The following CFAP74 variants were observed in gnomAD, a reference collection of about 807,000 sequenced individuals.
The protein encoded by CFAP74 is cilia and flagella associated protein 74, also known as cilia- and flagella-associated protein 74.
In CFAP74, 124 loss-of-function variants were observed where a neutral mutation model predicts 188.9. That is an observed-to-expected ratio of 0.66 (90% confidence interval 0.57 to 0.76). CFAP74 has a LOEUF of 0.76. CFAP74 is among the 30% of genes least tolerant of loss of function. CFAP74 has a pLI of 0.00. For missense variants in CFAP74, 2,198 were observed against 2,165.2 expected (o/e 1.02, Z -0.30); for synonymous variants, 956 against 916.7 (o/e 1.04, Z -0.77).
chr1:1,993,991 A>T (rs1657776392), intron 1 of CFAP74, among the ~76,000 whole-genome samples: 1 of 151,252 alleles, frequency 6.6e-6, no homozygotes, highest in African/African-American at 2.4e-5. Flanking sequence ...CAAAAAAAAT[A>T]AAAATAAAAT....
rs1055641681 is a variant in CFAP74 at position 1,980,094 on chromosome 1, G to C, written c.500+5292C>G. Among the ~76,000 whole-genome samples the C allele has an allele frequency of 8.7e-5, 10 of 115,146 alleles. 1 individual carries two copies. The East Asian group carries it at 2.1e-3, about 24-fold the overall frequency. The allele number at this position is 115,146 out of a possible 152,430, so 75.5% of individuals were successfully genotyped here. A position where few individuals can be genotyped will look rare whatever the true frequency, so the allele number is the denominator to read the frequency against. On this transcript the variant is annotated intron_variant, in intron 6 of 38. Transcript: ENST00000682832. ...GCGTGGGGAGGACGGGTGAACGAGA[G>C]TGTATCTAAGCCACCGGCACAGATC...
At chr1:1,938,084 C>G (rs939312622) in intron 25 of CFAP74, among the ~76,000 whole-genome samples, 2 of 149,250 alleles carry the variant, frequency 1.3e-5, no homozygotes, top group African/African-American at 5.0e-5. Flanking sequence ...CACACACGCA[C>G]TCACACTCAA....
At chr1:1,926,794 G>A in intron 29 of CFAP74, 33 bp from the exon 30 acceptor site, 1 of 1,548,086 alleles carries the variant, frequency 6.5e-7, no homozygotes, top group Non-Finnish European at 8.7e-7. Context: ...AGGGCAGGGT[G>A]GGCGGCCCCC....
rs1302237809 is a variant in CFAP74 at position 1,938,977 on chromosome 1, G to C, written c.2889C>G (p.Val963=). ...GFVRLPKFVD[V]QPNDGFGTIL... ...TCGTCCCAAACCCATCGTTGGGTTGGACGTCCACAAACTGGAAATAGAAGA... is the reference window on the plus strand; with the variant it reads ...TCGTCCCAAACCCATCGTTGGGTTGCACGTCCACAAACTGGAAATAGAAGA... The change falls in exon 25 of 39, where the codon GTC becomes GTG. Residue 963 remains valine (V), a synonymous_variant. Coordinates refer to ENST00000682832, the MANE Select transcript of CFAP74 (RefSeq NM_001304360.2). 20 of 1,535,910 alleles carry C rather than the reference G, an allele frequency of 1.3e-5. No individual in the cohort carries two copies. Among genetic ancestry groups the C allele is most frequent in the African/African-American group, 5.5e-5 (4 of 73,064 alleles).
chr1:1,950,640 T>C (rs1654150789), intron 18 of CFAP74, among the ~76,000 whole-genome samples: 1 of 152,218 alleles, frequency 6.6e-6, no homozygotes, highest in Non-Finnish European at 1.5e-5. Flanking sequence ...GCGCCTAGGC[T>C]TTTGCCCATT....
intron 16 of CFAP74, 67 bp downstream of exon 16, chr1:1,959,053 C>A (rs376912255): frequency 6.3e-6 from 7 of 1,105,182 alleles, no homozygotes; most frequent in Admixed American, 1.8e-5. Context: ...CAGGAGATGC[C>A]GTCCCCCACT....
chr1:1,966,525 T>C lies in CFAP74; in HGVS notation c.1247A>G (p.Asp416Gly). The stretch of plus-strand genomic sequence containing the variant: ...CCCGGGGCCTGCAGCAGCCTCGTAG[T>C]CCTGCAGTCGGGGAGAGGAACATCG... The part of the protein sequence containing the change: ...TTVPTNTYTL[D>G]YEAAAGPGPS... The change falls in exon 12 of 39, where the codon GAC (aspartate) becomes GGC (glycine). Residue 416 changes from aspartate (D) to glycine (G), a missense_variant and splice_region_variant. Physicochemically the swap from Asp to Gly is moderately conservative, Grantham distance 94 (BLOSUM62 -1). Coordinates refer to ENST00000682832, the MANE Select transcript of CFAP74 (RefSeq NM_001304360.2). 1 of 1,549,708 alleles carries C rather than the reference T, an allele frequency of 6.5e-7. No homozygotes were observed. Among genetic ancestry groups the C allele is most frequent in the Non-Finnish European group, 8.7e-7 (1 of 1,144,888 alleles).
At chr1:1,996,573 G>C (rs1657923876) in intron 1 of CFAP74, among the ~76,000 whole-genome samples, 1 of 152,146 alleles carries the variant, frequency 6.6e-6, no homozygotes, top group Non-Finnish European at 1.5e-5. Flanking sequence ...CAGATTAAGT[G>C]TGTGTAATCT....
At chr1:1,946,570 C>T (rs1015722767) in intron 19 of CFAP74, 131 bp from the exon 20 acceptor site, 2 of 1,150,224 alleles carry the variant, frequency 1.7e-6, no homozygotes, top group Non-Finnish European at 2.4e-6. Context: ...GGCCACTTGG[C>T]CACAGATGTC....
rs559555209 is a variant in CFAP74, at chr1:1,937,329, A to C, written c.3011+1526T>G. Among the ~76,000 whole-genome samples the C allele has an allele frequency of 5.9e-5, 9 of 152,356 alleles. No homozygotes were observed. In the South Asian group the frequency reaches 1.9e-3, roughly 32 times the overall value. Reference sequence around the variant, plus strand: ...AACCCACAACACAGAACAGAGGAACATGTGAACTGACACCACGGGACAGCA... The same window carrying C: ...AACCCACAACACAGAACAGAGGAACCTGTGAACTGACACCACGGGACAGCA... On this transcript the variant is annotated intron_variant, in intron 25 of 38. Transcript: ENST00000682832.
At chr1:1,938,211 A>G (rs555028140) in intron 25 of CFAP74, among the ~76,000 whole-genome samples, 2 of 140,320 alleles carry the variant, frequency 1.4e-5, no homozygotes, top group Admixed American at 1.4e-4. Flanking sequence ...ATGCTCACAC[A>G]TACATGCACT....
intron 18 of CFAP74, among the ~76,000 whole-genome samples, chr1:1,950,564 TC>T (rs1267545436): frequency 6.6e-6 from 1 of 152,160 alleles, no homozygotes; most frequent in East Asian, 1.9e-4. Flanking sequence ...GGTCTCAAAC[TC>T]CTGACCTCAG....
intron 1 of CFAP74, among the ~76,000 whole-genome samples, chr1:1,994,899 C>T (rs1323038681): frequency 6.6e-6 from 1 of 152,140 alleles, no homozygotes; most frequent in East Asian, 1.9e-4. Flanking sequence ...GAAACAGGAG[C>T]AAAGAGAAGC....
At position 1,972,971 on chromosome 1, in the gene CFAP74, C is replaced by T; in HGVS notation, c.751G>A (p.Val251Ile). 3 of 1,614,004 alleles carry T rather than the reference C, an allele frequency of 1.9e-6. No homozygotes were observed. Among genetic ancestry groups the T allele is most frequent in the African/African-American group, 1.3e-5 (1 of 75,056 alleles). ...GAGGCCTTCAGGAACCGCACGGCAA[C>T]CTTGTGGTTCTTCCGGGCGTCCTCC... ...LLEDARKNHK[V>I]AVRFLKASLG... is the part of the protein sequence containing the mutation. Residue 251 changes from valine (V) to isoleucine (I), a missense_variant, in exon 8 of 39, where the codon GTT becomes ATT. By Grantham distance (29) the Val-to-Ile change is conservative. Transcript: ENST00000682832.
intron 13 of CFAP74, 64 bp downstream of exon 13, chr1:1,964,824 G>A (rs540284023): frequency 1.7e-5 from 26 of 1,573,528 alleles, no homozygotes; most frequent in South Asian, 1.6e-4. Context: ...GTTGGGCTGC[G>A]GCAGGGCTCC....
intron 1 of CFAP74, among the ~76,000 whole-genome samples, chr1:1,998,654 C>T (rs1658042641): frequency 6.6e-6 from 1 of 152,114 alleles, no homozygotes; most frequent in Non-Finnish European, 1.5e-5. Flanking sequence ...GTGGGCAGAT[C>T]GTGAGGTCAG....
intron 25 of CFAP74, among the ~76,000 whole-genome samples, chr1:1,932,090 A>AG (rs1557993325): frequency 1.4e-5 from 2 of 141,298 alleles, no homozygotes; most frequent in Non-Finnish European, 3.1e-5. Flanking sequence ...CAAAAAACAA[A>AG]AAACAAAAAA....
chr1:1,985,807 G>A (rs902036851), intron 5 of CFAP74, among the ~76,000 whole-genome samples: 1 of 152,216 alleles, frequency 6.6e-6, no homozygotes, highest in South Asian at 2.1e-4. Context: ...CCCAGCACGT[G>A]CGACAAGCCC....
chr1:1,923,060 T>A lies in CFAP74; in HGVS notation c.4608A>T (p.Thr1536=). The A allele has an allele frequency of 6.2e-7, 1 of 1,609,130 alleles. No individual in the cohort carries two copies. The highest frequency in any genetic ancestry group is 2.2e-5 in the East Asian group (1 of 44,838). ...LVTLDYIQFD[T]DTPAPPATRE... ...GGGTGGCAGGTGGGGCTGGCGTGTCTGTGTCAAACTGGATGTAGTCCAGGG... is the reference window on the plus strand; with the variant it reads ...GGGTGGCAGGTGGGGCTGGCGTGTCAGTGTCAAACTGGATGTAGTCCAGGG... Residue 1536 remains threonine (T), a synonymous_variant, in exon 37 of 39, where the codon ACA becomes ACT. Transcript: ENST00000682832. The surrounding 1 kb of genome is among the most constrained non-coding windows in gnomAD (Gnocchi z 6.3).
Sources: allele counts gnomAD v4.1 joint callset (sites outside exome capture counted in the v4.1 genomes callset), GRCh38; gene constraint gnomAD v4.1.1; non-coding constraint Gnocchi (gnomAD v3.1); transcripts MANE v1.5; gene names NCBI Gene and HGNC (gene_info 2026-07-23, HGNC 2026-07-21).